Variants in XYLT1 observed in about 807,000 individuals in gnomAD.
XYLT1 encodes the protein xylosyltransferase 1.
Under a neutral mutation model 91.3 loss-of-function variants are expected in XYLT1, and 36 were observed. The observed-to-expected ratio is 0.39, with a 90% CI of 0.30 to 0.52. The LOEUF is 0.52. Ranked by LOEUF, XYLT1 falls within the 20% of genes least tolerant of loss-of-function variation. XYLT1 has a pLI of 0.68. For synonymous variants in XYLT1, 588 were observed against 532.0 expected (o/e 1.11, Z -1.45); for missense variants, 1,242 against 1,284.5 (o/e 0.97, Z 0.51).
chr16:17,267,232 G>C (rs908989160), intron 2 of XYLT1, among the ~76,000 whole-genome samples: 2 of 152,200 alleles, frequency 1.3e-5, no homozygotes, highest in Non-Finnish European at 2.9e-5. Flanking sequence ...ACAAAAGAAG[G>C]GGGTAAGAAG....
chr16:17,223,430 C>A (rs2033008088), intron 3 of XYLT1, among the ~76,000 whole-genome samples: 1 of 152,238 alleles, frequency 6.6e-6, no homozygotes, highest in Non-Finnish European at 1.5e-5. Context: ...CTCACTACAA[C>A]CTACTTCACA....
chr16:17,235,597 G>C (rs778148461), intron 3 of XYLT1, among the ~76,000 whole-genome samples: 1 of 152,132 alleles, frequency 6.6e-6, no homozygotes, highest in Non-Finnish European at 1.5e-5. Context: ...GCTGAGTCAC[G>C]GTAGAAATTA....
chr16:17,327,367 T>C (rs1427276730), intron 2 of XYLT1, among the ~76,000 whole-genome samples: 1 of 146,164 alleles, frequency 6.8e-6, no homozygotes, highest in African/African-American at 2.5e-5. Flanking sequence ...TTTTCTTTTT[T>C]TTTTTTTTTT....
intron 6 of XYLT1, among the ~76,000 whole-genome samples, chr16:17,150,057 A>G (rs537207956): frequency 6.6e-6 from 1 of 152,338 alleles, no homozygotes; most frequent in East Asian, 1.9e-4. Context: ...TGGCAGAGCA[A>G]TGATATTTCA....
At chr16:17,370,901 C>T (rs962760864) in intron 1 of XYLT1, among the ~76,000 whole-genome samples, 1 of 152,156 alleles carries the variant, frequency 6.6e-6, no homozygotes, top group Non-Finnish European at 1.5e-5. Context: ...GTCACAGGCC[C>T]TCCTGCTTGC....
At chr16:17,173,042 C>T (rs2031860880) in intron 5 of XYLT1, among the ~76,000 whole-genome samples, 1 of 151,008 alleles carries the variant, frequency 6.6e-6, no homozygotes, top group African/African-American at 2.4e-5. Flanking sequence ...TACTAACAAA[C>T]AAACAAACAA....
intron 1 of XYLT1, among the ~76,000 whole-genome samples, chr16:17,455,333 G>A (rs540704791): frequency 2.0e-5 from 3 of 152,272 alleles, no homozygotes; most frequent in African/African-American, 7.2e-5. Context: ...TTATAATAAA[G>A]TAGCTTACAA....
chr16:17,134,559 C>G lies in XYLT1; in HGVS notation c.1941G>C (p.Val647=). ...CAAAGGAGTGGTACAAGGTGAGTGT[C>G]ACGTCGCTCAGGCTGTGGATGCCGT... ...EPDGIHSLSD[V]TLTLYHSFAR... is the part of the protein sequence containing the mutation. The change falls in exon 9 of 12, where the codon GTG becomes GTC. Residue 647 remains valine (V), a synonymous_variant. Coordinates refer to ENST00000261381, the MANE Select transcript of XYLT1 (RefSeq NM_022166.4). 6.2e-7 allele frequency: 1 copy of G among 1,614,164 alleles called. No individual in the cohort carries two copies. Among genetic ancestry groups the G allele is most frequent in the South Asian group, 1.1e-5 (1 of 91,082 alleles).
At chr16:17,280,126 A>G (rs1487638751) in intron 2 of XYLT1, among the ~76,000 whole-genome samples, 1 of 152,210 alleles carries the variant, frequency 6.6e-6, no homozygotes, top group African/African-American at 2.4e-5. Flanking sequence ...CAAGGCAGGC[A>G]GATGACTTGA....
intron 2 of XYLT1, among the ~76,000 whole-genome samples, chr16:17,345,350 C>T (rs771931639): frequency 6.6e-5 from 10 of 152,244 alleles, no homozygotes; most frequent in Non-Finnish European, 1.3e-4. Flanking sequence ...GCTACCTAAA[C>T]AGAGGAGGAG....
At chr16:17,137,054 G>A (rs2030754812) in intron 8 of XYLT1, among the ~76,000 whole-genome samples, 1 of 152,136 alleles carries the variant, frequency 6.6e-6, no homozygotes, top group South Asian at 2.1e-4. Context: ...CCTTTCTGCA[G>A]GGAAGATGTG....
At chr16:17,128,927 C>T (rs1002957882) in intron 9 of XYLT1, among the ~76,000 whole-genome samples, 26 of 152,178 alleles carry the variant, frequency 1.7e-4, no homozygotes, top group African/African-American at 6.3e-4. Flanking sequence ...TGTCCCTGCT[C>T]AGCTAAACGC....
intron 1 of XYLT1, among the ~76,000 whole-genome samples, chr16:17,419,634 TA>T (rs1234017141): frequency 4.6e-5 from 7 of 152,262 alleles, no homozygotes; most frequent in Admixed American, 4.6e-4. Flanking sequence ...CTTGGTACTT[TA>T]ATTTTGCATT....
intron 2 of XYLT1, among the ~76,000 whole-genome samples, chr16:17,335,908 C>CT (rs2034973065): frequency 1.3e-5 from 2 of 152,126 alleles, no homozygotes; most frequent in Admixed American, 1.3e-4. Flanking sequence ...GAAAAATAAA[C>CT]AGAGAGCTAT....
rs758506356 is a variant in XYLT1 at position 17,141,127 on chromosome 16, T to G, written c.1587+26A>C. 1.0e-5 allele frequency: 16 copies of G among 1,607,286 alleles called. No homozygotes were observed. In the African/African-American group the frequency reaches 1.1e-4, roughly 11 times the overall value. On this transcript the variant is annotated intron_variant, in intron 7 of 11. Transcript: ENST00000261381. Reference sequence around the variant, plus strand: ...AGGCTAGAACAAGCCCCTATCTTTCTTGGGAAAATTTTCCCAGATACTCAC... The same window carrying G: ...AGGCTAGAACAAGCCCCTATCTTTCGTGGGAAAATTTTCCCAGATACTCAC...
At chr16:17,133,070 G>T (rs193078933) in intron 9 of XYLT1, among the ~76,000 whole-genome samples, 56 of 152,300 alleles carry the variant, frequency 3.7e-4, no homozygotes, top group African/African-American at 1.2e-3. Context: ...TGTAAGCAGA[G>T]TTTAAACTGC....
intron 2 of XYLT1, among the ~76,000 whole-genome samples, chr16:17,356,437 G>A (rs1164359442): frequency 6.6e-6 from 1 of 152,054 alleles, no homozygotes; most frequent in African/African-American, 2.4e-5. Context: ...TCAGCCCTGG[G>A]GCCCCCGTGG....
intron 1 of XYLT1, among the ~76,000 whole-genome samples, chr16:17,385,310 A>ACC (rs1491050390): frequency 5.9e-4 from 87 of 146,582 alleles, no homozygotes; most frequent in African/African-American, 1.9e-3. Context: ...ACACACACAC[A>ACC]CCTATGTACT....
chr16:17,113,509 T>TA (rs1027271123), intron 11 of XYLT1, among the ~76,000 whole-genome samples: 2 of 152,178 alleles, frequency 1.3e-5, no homozygotes, highest in Non-Finnish European at 2.9e-5. Context: ...AGTCTTTTCT[T>TA]ACAATGTTGG....
Sources: allele counts gnomAD v4.1 joint callset (sites outside exome capture counted in the v4.1 genomes callset), GRCh38; gene constraint gnomAD v4.1.1; transcripts MANE v1.5; gene names NCBI Gene and HGNC (gene_info 2026-07-23, HGNC 2026-07-21).